The following PKD1 variants were observed in gnomAD, a reference collection of about 807,000 sequenced individuals.
PKD1 encodes the protein polycystin 1, transient receptor potential channel interacting.
In PKD1, 81 loss-of-function variants were observed where a neutral mutation model predicts 361.7. That is an observed-to-expected ratio of 0.22 (90% CI 0.19 to 0.27). PKD1 has a LOEUF of 0.27. Among genes scored for constraint, PKD1 ranks in the 10% least tolerant of loss-of-function variants. The pLI is 1.00. For synonymous variants in PKD1, 3,615 were observed against 2,818.3 expected, an observed-to-expected ratio of 1.28 and a Z score of -8.95; for missense variants, 6,399 against 6,118.3, an observed-to-expected ratio of 1.05 and a Z score of -1.53.
intron 12 of PKD1, 43 bp from the exon 13 acceptor site, chr16:2,113,006 GC>G: frequency 6.4e-7 from 1 of 1,558,892 alleles, no homozygotes; most frequent in South Asian, 1.1e-5. Context: ...CAGGTGAGAG[GC>G]CTGGCCCTGA....
rs1314556243 is a variant in PKD1 at position 2,088,874 on chromosome 16, C to CGG, written c.*852_*853insCC. The CGG allele has an allele frequency of 6.3e-6, 3 of 473,708 alleles. No homozygotes were observed. The highest frequency in any genetic ancestry group is 2.8e-5 in the African/African-American group (1 of 35,692). The allele number at this position is 473,708 out of a possible 1,614,324, so 29.3% of individuals were successfully genotyped here. A position where few individuals can be genotyped will look rare whatever the true frequency, so the allele number is the denominator to read the frequency against. On this transcript the variant is annotated 3_prime_UTR_variant, in exon 46 of 46. Transcript: ENST00000262304. ...GGGCCATACAGCACACTCGCGCGTG[C>CGG]GCGCGCGCACACACACACACACACA...
chr16:2,105,205 G>A, intron 21 of PKD1, 117 bp downstream of exon 21: 2 of 963,640 alleles, frequency 2.1e-6, no homozygotes, highest in South Asian at 2.8e-5. Flanking sequence ...GCCATGGCAG[G>A]AAGGAGCCCA....
At chr16:2,091,739 G>A (rs760818311) in intron 41 of PKD1, 42 bp downstream of exon 41, 1 of 1,604,194 alleles carries the variant, frequency 6.2e-7, no homozygotes, top group Non-Finnish European at 8.5e-7. Context: ...CCTGGCTGGT[G>A]ACTGCGGCCA....
Position 2,098,852 on chromosome 16 carries a change from A to AC in PKD1, c.10050+791_10050+792insG, listed in dbSNP as rs2091964884. ...GGATTTTTTTTTTTTTTTTTTGGAG[A>AC]TGGAGTCTTGCTCCGTTGCCCAGGA... On this transcript the variant is annotated intron_variant, in intron 30 of 45. Transcript: ENST00000262304. 4.1e-5 allele frequency: 4 copies of AC among 96,430 alleles called. No homozygotes were observed. In the East Asian group the frequency reaches 1.1e-3, roughly 27 times the overall value. 6.0% of individuals were successfully genotyped at this position (96,430 alleles called of 1,614,324 possible).
intron 26 of PKD1, among the ~76,000 whole-genome samples, chr16:2,101,164 T>C (rs35833107): frequency 0.19 from 28,634 of 151,848 alleles, 3,071 homozygotes; most frequent in African/African-American, 0.28. Flanking sequence ...TTTTTTGTAC[T>C]TTTTATTAGA....
chr16:2,099,670 A>C lies in PKD1; in HGVS notation c.10024T>G (p.Phe3342Val). The part of the protein sequence containing the change: ...VVYPVYLAIL[F>V]LFRMSRSKVA... ...TTGCTCCGGGACATCCGGAAGAGAA[A>C]AAGGATGGCCAGGTAGACGGGATAG... The change falls in exon 30 of 46, where the codon TTT becomes GTT. Residue 3342 changes from phenylalanine to valine, a missense_variant. Phe to Val is a conservative substitution (Grantham distance 50). Coordinates refer to ENST00000262304, the MANE Select transcript of PKD1 (RefSeq NM_001009944.3). The C allele has an allele frequency of 6.3e-7, 1 of 1,594,708 alleles. No individual in the cohort carries two copies. Among genetic ancestry groups the C allele is most frequent in the South Asian group, 1.1e-5 (1 of 90,400 alleles).
chr16:2,120,448 G>T lies in PKD1; in HGVS notation c.216-1070C>A, dbSNP rs74506283. 1.5e-3 allele frequency among the ~76,000 whole-genome samples: 225 copies of T among 152,328 alleles called. 4 individuals carry two copies. In the East Asian group the frequency reaches 0.04, roughly 27 times the overall value. On this transcript the variant is annotated intron_variant, in intron 1 of 45. Transcript: ENST00000262304. ...AGTTAAAAAGAAGAAAAGGAAACTG[G>T]GTGTGGTGGCTTATGCCTGTAAACC...
In PKD1 at chr16:2,108,176, G is replaced by C. The variant is rs578013963; in HGVS notation, c.6915+76C>G. 8.1e-5 allele frequency: 121 copies of C among 1,492,680 alleles called. No homozygotes were observed. The African/African-American group carries it at 1.5e-3, about 18-fold the overall frequency. The allele number at this position is 1,492,680 out of a possible 1,614,324, so 92.5% of individuals were successfully genotyped here. A position where few individuals can be genotyped will look rare whatever the true frequency, so the allele number is the denominator to read the frequency against. ...GCACTGAGGACGGGCCAGCCCTGGTGGCAAGCTGGGTGTTCTCTGGGCTCA... is the reference window on the plus strand; with the variant it reads ...GCACTGAGGACGGGCCAGCCCTGGTCGCAAGCTGGGTGTTCTCTGGGCTCA... On this transcript the variant is annotated intron_variant, in intron 15 of 45. Coordinates refer to ENST00000262304, the MANE Select transcript of PKD1 (RefSeq NM_001009944.3).
At chr16:2,113,416 C>T (rs1596571398) in intron 11 of PKD1, 124 bp from the exon 12 acceptor site, 6 of 1,075,334 alleles carry the variant, frequency 5.6e-6, no homozygotes, top group Non-Finnish European at 6.9e-6. Flanking sequence ...AGGAGGTGCC[C>T]GGGGCTCTGC....
Position 2,099,880 on chromosome 16 carries a change from C to G in PKD1, c.9904G>C (p.Val3302Leu), listed in dbSNP as rs771383072. The change falls in exon 29 of 46, where the codon GTT becomes CTT. Residue 3302 changes from valine (V) to leucine (L), a missense_variant. By Grantham distance (32) the Val-to-Leu change is conservative. Transcript: ENST00000262304. ...ACCCACCTGTAGGCAGAGTCGCCAACAGCCCCGTACCACACGGCGTTGGCG... is the reference window on the plus strand; with the variant it reads ...ACCCACCTGTAGGCAGAGTCGCCAAGAGCCCCGTACCACACGGCGTTGGCG... Reference protein sequence around the residue: ...LGANAVWYGAVGDSAYSTGHV... With the variant: ...LGANAVWYGALGDSAYSTGHV... The G allele has an allele frequency of 6.4e-7, 1 of 1,566,876 alleles. No homozygotes were observed. Among genetic ancestry groups the G allele is most frequent in the African/African-American group, 1.4e-5 (1 of 73,862 alleles).
At position 2,106,176 on chromosome 16, in the gene PKD1, G is replaced by A. The variant is rs1316429294; in HGVS notation, c.7618C>T (p.Pro2540Ser). Residue 2540 changes from proline (P) to serine (S), a missense_variant, in exon 19 of 46, where the codon CCC becomes TCC. By Grantham distance (74) the Pro-to-Ser change is moderately conservative (BLOSUM62 -1). Transcript: ENST00000262304. The surrounding 1 kb of genome is among the most constrained non-coding windows in gnomAD (Gnocchi z 6.5). ...TCGAAGTGTGGCCTGAAACCCGGGG[G>A]CAGCACGGCTCCGTAGCTGGAGAGG... is the stretch of plus-strand genomic sequence containing the variant. ...GSLSSYGAVL[P>S]PGFRPHFEVG... is the part of the protein sequence containing the mutation. 37 of 1,609,368 alleles carry A rather than the reference G, an allele frequency of 2.3e-5. No individual in the cohort carries two copies. Among genetic ancestry groups the A allele is most frequent in the Non-Finnish European group, 3.1e-5 (37 of 1,179,142 alleles).
chr16:2,104,229 G>A (rs142397866), intron 22 of PKD1, among the ~76,000 whole-genome samples: 2,085 of 29,540 alleles, frequency 0.071, 198 homozygotes, highest in Middle Eastern at 0.13. Flanking sequence ...TGAGGGGGAT[G>A]AGGAAGATGA....
At chr16:2,104,959 G>A (rs2092281509) in intron 21 of PKD1, among the ~76,000 whole-genome samples, 1 of 57,770 alleles carries the variant, frequency 1.7e-5, no homozygotes, top group East Asian at 4.7e-4. Context: ...GGGGGAAGAA[G>A]GGAAAGGGCT....
At chr16:2,099,818 G>C in intron 29 of PKD1, 43 bp downstream of exon 29, 1 of 1,555,812 alleles carries the variant, frequency 6.4e-7, no homozygotes, top group Non-Finnish European at 8.7e-7. Flanking sequence ...GGGGCAGGAA[G>C]GGCTGGGCAG....
rs1000846523 is a variant in PKD1, at chr16:2,115,118, C to A, written c.2098-193G>T. On this transcript the variant is annotated intron_variant, in intron 10 of 45. Transcript: ENST00000262304. ...GGGACACACGGGGAGAGGACACAGG[C>A]CAAGACCTGGCAGACAGGAAGGAGC... 440 of 978,756 alleles carry A rather than the reference C, an allele frequency of 4.5e-4. 1 individual carries two copies. Among genetic ancestry groups the A allele is most frequent in the Non-Finnish European group, 5.1e-4 (423 of 824,008 alleles). 60.6% of individuals were successfully genotyped at this position (978,756 alleles called of 1,614,324 possible). A position where few individuals can be genotyped will look rare whatever the true frequency, so the allele number is the denominator to read the frequency against.
chr16:2,088,725 T>C lies in PKD1; in HGVS notation c.*1002A>G, dbSNP rs1345608098. On this transcript the variant is annotated 3_prime_UTR_variant, in exon 46 of 46. Coordinates refer to ENST00000262304, the MANE Select transcript of PKD1 (RefSeq NM_001009944.3). ...GGCACAGATTGCAGTCAGACAGCTC[T>C]TTTATTGACTTTGTCTGCTTGGTGC... The C allele has an allele frequency of 1.0e-5, 14 of 1,382,180 alleles. No individual in the cohort carries two copies. In the Admixed American group the frequency reaches 2.4e-4, roughly 23 times the overall value. 85.6% of individuals were successfully genotyped at this position (1,382,180 alleles called of 1,614,324 possible). A position where few individuals can be genotyped will look rare whatever the true frequency, so the allele number is the denominator to read the frequency against.
rs748443269 is a variant in PKD1 at position 2,112,769 on chromosome 16, C to T, written c.3161+19G>A. On this transcript the variant is annotated intron_variant, in intron 13 of 45. Transcript: ENST00000262304. ...CAAGAGCCTGGTGCCCACCCCAAAC[C>T]GGCCCCCGAGTCACTCACAGGAAGG... The T allele has an allele frequency of 1.2e-5, 19 of 1,593,292 alleles. No individual in the cohort carries two copies. The African/African-American group carries it at 1.5e-4, about 12-fold the overall frequency.
intron 1 of PKD1, among the ~76,000 whole-genome samples, chr16:2,130,547 A>G (rs56278165): frequency 0.052 from 7,884 of 152,310 alleles, 287 homozygotes; most frequent in Non-Finnish European, 0.069. Flanking sequence ...CTGAGGGCTC[A>G]TGGAGGCCTT....
intron 1 of PKD1, among the ~76,000 whole-genome samples, chr16:2,132,592 G>GAA (rs1156324208): frequency 7.4e-6 from 1 of 134,552 alleles, no homozygotes. Flanking sequence ...AAAAAAAAAA[G>GAA]AAAAAAAAAA....
Sources: gnomAD v4.1 joint callset for allele counts (sites outside exome capture counted in the v4.1 genomes callset) on GRCh38, gnomAD v4.1.1 for gene constraint, Gnocchi (gnomAD v3.1) non-coding constraint, MANE v1.5 for transcripts, NCBI Gene and HGNC (gene_info 2026-07-23, HGNC 2026-07-21) for gene names.